The following PARD3 variants were observed in gnomAD, a reference collection of about 807,000 sequenced individuals.
PARD3 encodes the protein partitioning defective 3 homolog.
A neutral mutation model predicts 155.4 loss-of-function variants in PARD3; 75 were observed. The ratio of observed to expected loss-of-function variants is 0.48; its 90% CI spans 0.40 to 0.58. PARD3 has a LOEUF of 0.58. PARD3 is among the 20% of genes least tolerant of loss of function. The pLI, the probability that PARD3 is intolerant of heterozygous loss-of-function variation, is 0.00. For missense variants in PARD3, 1,642 were observed against 1,721.7 expected, an observed-to-expected ratio of 0.95 and a Z score of 0.82; for synonymous variants, 576 against 610.5, an observed-to-expected ratio of 0.94 and a Z score of 0.83.
At chr10:34,404,198 C>CTAT (rs1226986259) in intron 5 of PARD3, among the ~76,000 whole-genome samples, 3 of 152,134 alleles carry the variant, frequency 2.0e-5, no homozygotes, top group African/African-American at 7.2e-5. Flanking sequence ...TAGATTTTCC[C>CTAT]AATATTTGGA....
chr10:34,353,181 G>A (rs897742492), intron 14 of PARD3, among the ~76,000 whole-genome samples: 2 of 152,134 alleles, frequency 1.3e-5, no homozygotes, highest in Non-Finnish European at 2.9e-5. Flanking sequence ...GAGGTGGGGG[G>A]CGCGTCTGCC....
chr10:34,132,500 T>C (rs991173825), intron 22 of PARD3, among the ~76,000 whole-genome samples: 1 of 152,202 alleles, frequency 6.6e-6, no homozygotes, highest in Non-Finnish European at 1.5e-5. Context: ...TTGTAAAACA[T>C]GTATCAGGCT....
intron 3 of PARD3, among the ~76,000 whole-genome samples, chr10:34,516,112 C>A (rs183483976): frequency 6.6e-6 from 1 of 151,942 alleles, no homozygotes; most frequent in Non-Finnish European, 1.5e-5. Flanking sequence ...TTACAGGCAA[C>A]CGCCACCACG....
chr10:34,596,290 A>G (rs1194516318), intron 2 of PARD3, among the ~76,000 whole-genome samples: 1 of 152,014 alleles, frequency 6.6e-6, no homozygotes, highest in Non-Finnish European at 1.5e-5. Flanking sequence ...TGCATATGGA[A>G]TTTCCTTCTA....
At chr10:34,123,579 C>T (rs1295958313) in intron 23 of PARD3, among the ~76,000 whole-genome samples, 1 of 152,064 alleles carries the variant, frequency 6.6e-6, no homozygotes, top group Non-Finnish European at 1.5e-5. Flanking sequence ...GTATGCACCA[C>T]CATGCCTGGT....
chr10:34,549,585 T>C (rs1054120269), intron 2 of PARD3, among the ~76,000 whole-genome samples: 1 of 152,122 alleles, frequency 6.6e-6, no homozygotes, highest in Non-Finnish European at 1.5e-5. Flanking sequence ...ATCCATGCAG[T>C]TGTATTTTTT....
chr10:34,464,707 T>C (rs7078902), intron 4 of PARD3, among the ~76,000 whole-genome samples: 8,559 of 152,118 alleles, frequency 0.056, 812 homozygotes, highest in African/African-American at 0.2. Context: ...ATGTAAACTA[T>C]CCATATTTAT....
intron 19 of PARD3, among the ~76,000 whole-genome samples, chr10:34,329,122 T>A (rs558344970): frequency 2.0e-4 from 31 of 152,340 alleles, no homozygotes; most frequent in Middle Eastern, 6.8e-3. Flanking sequence ...TTTTGTTTTT[T>A]AAAAAATAAG....
chr10:34,619,161 G>A (rs926777675), intron 2 of PARD3, among the ~76,000 whole-genome samples: 3 of 148,826 alleles, frequency 2.0e-5, no homozygotes, highest in African/African-American at 7.5e-5. Context: ...AGCAATTCTT[G>A]TGCCTCACCT....
At chr10:34,329,168 G>A (rs923539090) in intron 19 of PARD3, among the ~76,000 whole-genome samples, 3 of 152,046 alleles carry the variant, frequency 2.0e-5, no homozygotes, top group Admixed American at 2.0e-4. Flanking sequence ...CCATGTTGGT[G>A]GGACACTCTG....
At chr10:34,471,248 G>A (rs1234234964) in intron 3 of PARD3, among the ~76,000 whole-genome samples, 1 of 152,276 alleles carries the variant, frequency 6.6e-6, no homozygotes, top group East Asian at 1.9e-4. Context: ...GCATAGAAGA[G>A]CTTGCTTGCA....
At chr10:34,577,356 T>C (rs920187285) in intron 2 of PARD3, among the ~76,000 whole-genome samples, 3 of 152,234 alleles carry the variant, frequency 2.0e-5, no homozygotes, top group African/African-American at 4.8e-5. Context: ...TGTCCATTTA[T>C]ATGCTGTAGA....
intron 7 of PARD3, among the ~76,000 whole-genome samples, chr10:34,385,548 C>T (rs1246620015): frequency 1.3e-5 from 2 of 152,034 alleles, no homozygotes; most frequent in Admixed American, 6.6e-5. Flanking sequence ...GACAAAAATG[C>T]CTACACAGGC....
chr10:34,642,132 T>C (rs1325623393), intron 2 of PARD3, among the ~76,000 whole-genome samples: 2 of 151,848 alleles, frequency 1.3e-5, no homozygotes, highest in East Asian at 3.9e-4. Flanking sequence ...CATACCTGGG[T>C]ACATGGGATC....
intron 14 of PARD3, among the ~76,000 whole-genome samples, chr10:34,355,942 A>AAAC (rs1554837470): frequency 3.1e-5 from 4 of 129,650 alleles, no homozygotes; most frequent in Admixed American, 7.1e-5. Flanking sequence ...AAAAAAAAAA[A>AAAC]AAAACAAAAC....
chr10:34,649,490 C>T (rs536290709), intron 2 of PARD3, among the ~76,000 whole-genome samples: 1 of 152,318 alleles, frequency 6.6e-6, no homozygotes, highest in East Asian at 1.9e-4. Flanking sequence ...AGTATTTGTG[C>T]ATCCAAACAT....
chr10:34,583,137 A>T (rs2087652228), intron 2 of PARD3, among the ~76,000 whole-genome samples: 1 of 152,228 alleles, frequency 6.6e-6, no homozygotes, highest in South Asian at 2.1e-4. Flanking sequence ...ATATAACCCC[A>T]ACTAATAAAG....
intron 2 of PARD3, among the ~76,000 whole-genome samples, chr10:34,604,103 G>C (rs1464978135): frequency 6.6e-6 from 1 of 152,172 alleles, no homozygotes; most frequent in Non-Finnish European, 1.5e-5. Context: ...AAATGTCCGA[G>C]TGAAACAAAC....
At chr10:34,415,263 T>C (rs1764660574) in intron 5 of PARD3, among the ~76,000 whole-genome samples, 1 of 151,904 alleles carries the variant, frequency 6.6e-6, no homozygotes, top group African/African-American at 2.4e-5. Flanking sequence ...TGGCAACCAA[T>C]ATAGTGTCAC....
Sources: gnomAD v4.1 joint callset for allele counts (sites outside exome capture counted in the v4.1 genomes callset) on GRCh38, gnomAD v4.1.1 for gene constraint, MANE v1.5 for transcripts, NCBI Gene and HGNC (gene_info 2026-07-23, HGNC 2026-07-21) for gene names.